The following SUMF1 variants were observed in gnomAD, a reference collection of about 807,000 sequenced individuals.
SUMF1 encodes sulfatase modifying factor 1.
Under a neutral mutation model 47.6 loss-of-function variants are expected in SUMF1, and 48 were observed. That is an observed-to-expected ratio of 1.01 (90% CI 0.80 to 1.28). The LOEUF is 1.28. Among genes scored for constraint, SUMF1 ranks in the 50% most tolerant of loss-of-function variants. SUMF1 has a pLI of 0.00. For synonymous variants in SUMF1, 230 were observed against 192.1 expected (o/e 1.20, Z -1.63); for missense variants, 571 against 485.4 (o/e 1.18, Z -1.66).
chr3:4,149,029 G>C (rs1005331518), intron 8 of SUMF1, among the ~76,000 whole-genome samples: 1 of 152,114 alleles, frequency 6.6e-6, no homozygotes, highest in East Asian at 1.9e-4. Context: ...CCTGAAGTTA[G>C]AGGAGTGAAA....
At chr3:4,201,717 A>G (rs1695544064) in intron 8 of SUMF1, among the ~76,000 whole-genome samples, 1 of 152,106 alleles carries the variant, frequency 6.6e-6, no homozygotes, top group African/African-American at 2.4e-5. Context: ...AGGAACTTCC[A>G]TACTGTTTTT....
intron 8 of SUMF1, among the ~76,000 whole-genome samples, chr3:4,310,637 G>A (rs1006254000): frequency 6.6e-6 from 1 of 152,144 alleles, no homozygotes; most frequent in African/African-American, 2.4e-5. Flanking sequence ...AAGTTTAATT[G>A]CAGAATTTTA....
At chr3:4,418,629 T>C (rs906924826) in intron 4 of SUMF1, among the ~76,000 whole-genome samples, 3 of 152,244 alleles carry the variant, frequency 2.0e-5, no homozygotes, top group Non-Finnish European at 4.4e-5. Flanking sequence ...ACCTGCATTG[T>C]GGCTTTGACT....
At chr3:4,166,584 G>C (rs551832394) in intron 8 of SUMF1, among the ~76,000 whole-genome samples, 2 of 152,144 alleles carry the variant, frequency 1.3e-5, no homozygotes, top group Non-Finnish European at 2.9e-5. Flanking sequence ...GAGCACCAGA[G>C]ACAGGAGTGG....
At chr3:4,336,418 A>C (rs1699154620) in intron 8 of SUMF1, among the ~76,000 whole-genome samples, 1 of 152,126 alleles carries the variant, frequency 6.6e-6, no homozygotes, top group Non-Finnish European at 1.5e-5. Context: ...ACATAAGATA[A>C]AGTAAGCATG....
At chr3:4,292,185 T>A (rs921145167) in intron 8 of SUMF1, among the ~76,000 whole-genome samples, 2 of 152,212 alleles carry the variant, frequency 1.3e-5, no homozygotes, top group African/African-American at 4.8e-5. Context: ...AGGAAAAAAA[T>A]TAAAAGTATT....
At chr3:4,424,236 C>T (rs1203849085) in intron 3 of SUMF1, among the ~76,000 whole-genome samples, 1 of 152,148 alleles carries the variant, frequency 6.6e-6, no homozygotes, top group Non-Finnish European at 1.5e-5. Flanking sequence ...CCCGCTACCC[C>T]ACCCTCTGCT....
chr3:4,247,703 G>C (rs1254066792), intron 8 of SUMF1, among the ~76,000 whole-genome samples: 1 of 152,116 alleles, frequency 6.6e-6, no homozygotes, highest in Non-Finnish European at 1.5e-5. Flanking sequence ...GACAGAGGGA[G>C]TCAGTTGAGA....
intron 8 of SUMF1, among the ~76,000 whole-genome samples, chr3:4,105,137 G>C (rs1693129207): frequency 6.6e-6 from 1 of 152,212 alleles, no homozygotes; most frequent in African/African-American, 2.4e-5. Context: ...GGACAGAAAG[G>C]CAAATACTGC....
At chr3:4,294,985 A>G (rs1221662773) in intron 8 of SUMF1, among the ~76,000 whole-genome samples, 1 of 152,210 alleles carries the variant, frequency 6.6e-6, no homozygotes, top group Non-Finnish European at 1.5e-5. Context: ...TACTGAGATA[A>G]TGAAAAAGAA....
intron 8 of SUMF1, among the ~76,000 whole-genome samples, chr3:4,134,529 A>G (rs912216733): frequency 2.6e-5 from 4 of 152,172 alleles, no homozygotes; most frequent in African/African-American, 9.7e-5. Context: ...AAGATCTAAA[A>G]TTGACACCCT....
At chr3:4,113,689 A>G (rs1693361240) in intron 8 of SUMF1, among the ~76,000 whole-genome samples, 1 of 152,050 alleles carries the variant, frequency 6.6e-6, no homozygotes, top group Non-Finnish European at 1.5e-5. Flanking sequence ...TTTTTTTGGA[A>G]GATATGCCAC....
Position 4,410,970 on chromosome 3 carries a change from G to C in SUMF1, c.849C>G (p.Ala283=). 1 of 1,613,826 alleles carries C rather than the reference G, an allele frequency of 6.2e-7. No homozygotes were observed. The highest frequency in any genetic ancestry group is 8.5e-7 in the Non-Finnish European group (1 of 1,179,750). Residue 283 remains alanine (A), a synonymous_variant, in exon 7 of 9, where the codon GCC becomes GCG. Transcript: ENST00000272902. ...ATAAGCCATAACCATTGGGAGGGAAGGCATCAACCTAAAAACAAAGACAGG... is the reference window on the plus strand; with the variant it reads ...ATAAGCCATAACCATTGGGAGGGAACGCATCAACCTAAAAACAAAGACAGG... ...DGFQGTAPVD[A]FPPNGYGLYN... is the part of the protein sequence containing the mutation.
chr3:4,436,265 G>T (rs1295137257), intron 3 of SUMF1, among the ~76,000 whole-genome samples: 1 of 152,136 alleles, frequency 6.6e-6, no homozygotes, highest in African/African-American at 2.4e-5. Flanking sequence ...AGTCTATATG[G>T]TTATAGGACA....
At chr3:4,196,887 A>T (rs987546002) in intron 8 of SUMF1, among the ~76,000 whole-genome samples, 67 of 152,218 alleles carry the variant, frequency 4.4e-4, no homozygotes, top group African/African-American at 1.4e-3. Flanking sequence ...CTTGTTTGTT[A>T]CTTTCATTTG....
At chr3:4,214,068 T>C (rs145921496) in intron 8 of SUMF1, among the ~76,000 whole-genome samples, 3,870 of 152,176 alleles carry the variant, frequency 0.025, 171 homozygotes, top group African/African-American at 0.088. Flanking sequence ...ACCTAATAGA[T>C]ATCTACAGAA....
intron 8 of SUMF1, among the ~76,000 whole-genome samples, chr3:4,130,333 A>G (rs1693757830): frequency 6.6e-6 from 1 of 152,180 alleles, no homozygotes; most frequent in South Asian, 2.1e-4. Context: ...CCTGTCCATA[A>G]GGCCCACCAG....
chr3:4,104,783 A>G (rs1380425548), intron 8 of SUMF1, among the ~76,000 whole-genome samples: 2 of 151,830 alleles, frequency 1.3e-5, no homozygotes, highest in African/African-American at 4.8e-5. Flanking sequence ...AAATTTGCCT[A>G]CCATCAGCCT....
At chr3:4,349,506 A>G (rs1699441944) in intron 8 of SUMF1, among the ~76,000 whole-genome samples, 1 of 152,244 alleles carries the variant, frequency 6.6e-6, no homozygotes, top group African/African-American at 2.4e-5. Context: ...AGGAATATAA[A>G]TCATTCTACT....
Sources: gnomAD v4.1 joint callset for allele counts (sites outside exome capture counted in the v4.1 genomes callset) on GRCh38, gnomAD v4.1.1 for gene constraint, MANE v1.5 for transcripts, NCBI Gene and HGNC (gene_info 2026-07-23, HGNC 2026-07-21) for gene names.